ATP2C2: variants seen among roughly 807,000 people sequenced by gnomAD.
The protein encoded by ATP2C2 is calcium-transporting ATPase type 2C member 2.
ATP2C2 carries 171 observed loss-of-function variants against 110.8 expected under a neutral mutation model. The ratio of observed to expected loss-of-function variants is 1.54; its 90% CI spans 1.36 to 1.75. The LOEUF is 1.75. Among genes scored for constraint, ATP2C2 ranks in the 40% most tolerant of loss-of-function variants. The pLI is 0.00. For missense variants in ATP2C2, 1,963 were observed against 1,235.0 expected (o/e 1.59, Z -8.84); for synonymous variants, 804 against 508.4 (o/e 1.58, Z -7.82).
At chr16:84,436,028 C>T (rs544382480) in intron 11 of ATP2C2, among the ~76,000 whole-genome samples, 107 of 152,080 alleles carry the variant, frequency 7.0e-4, no homozygotes, top group Non-Finnish European at 1.3e-3. Context: ...ACGCGGGAGG[C>T]TGAGGCAGGA....
intron 7 of ATP2C2, among the ~76,000 whole-genome samples, chr16:84,418,607 C>T (rs1345323381): frequency 6.6e-6 from 1 of 152,232 alleles, no homozygotes. Flanking sequence ...ACTACACGGA[C>T]ACAGCAGCCC....
chr16:84,429,975 T>C (rs1272563436), intron 11 of ATP2C2, among the ~76,000 whole-genome samples: 2 of 152,180 alleles, frequency 1.3e-5, no homozygotes, highest in Non-Finnish European at 2.9e-5. Context: ...ATATCTTGCC[T>C]CTAGTCTCTG....
intron 26 of ATP2C2, among the ~76,000 whole-genome samples, chr16:84,463,177 G>C (rs1911562425): frequency 6.7e-6 from 1 of 150,122 alleles, no homozygotes; most frequent in African/African-American, 2.5e-5. Flanking sequence ...CAGGAGCAGA[G>C]GGAGACGCTG....
rs754579976 is a variant in ATP2C2 at position 84,422,455 on chromosome 16, C to G, written c.690C>G (p.Asp230Glu). Reference sequence around the variant, plus strand: ...AAGCCGAGCCATGTAGTAAAACAGACAGCCCCTTGACAGGCGGTGGGGACC... The same window carrying G: ...AAGCCGAGCCATGTAGTAAAACAGAGAGCCCCTTGACAGGCGGTGGGGACC... ...TGEAEPCSKT[D>E]SPLTGGGDLT... is the part of the protein sequence containing the mutation. Residue 230 changes from aspartate (D) to glutamate (E), a missense_variant, in exon 8 of 27, where the codon GAC becomes GAG. Physicochemically the swap from Asp to Glu is conservative, Grantham distance 45 (BLOSUM62 2). Transcript: ENST00000262429. The G allele has an allele frequency of 1.9e-5, 30 of 1,614,030 alleles. No homozygotes were observed. Among genetic ancestry groups the G allele is most frequent in the African/African-American group, 5.3e-5 (4 of 74,902 alleles).
In ATP2C2 at chr16:84,448,553, C is replaced by T. The variant is rs770069464; in HGVS notation, c.1524C>T (p.Phe508=). The change falls in exon 17 of 27, where the codon TTC becomes TTT. Residue 508 remains phenylalanine, a synonymous_variant. Transcript: ENST00000262429. The part of the protein sequence containing the change: ...LKTEDQEDIY[F]MKGALEEVIR... ...CTAAGGATCAGGAAGACATTTACTT[C>T]ATGAAAGGGGCCTTGGAAGAGGTGA... 5.6e-6 allele frequency: 9 copies of T among 1,612,338 alleles called. No homozygotes were observed. In the Admixed American group the frequency reaches 1.3e-4, roughly 24 times the overall value.
chr16:84,456,312 T>A, intron 21 of ATP2C2, among the ~76,000 whole-genome samples: 1 of 151,790 alleles, frequency 6.6e-6, no homozygotes, highest in Non-Finnish European at 1.5e-5. Context: ...CAGAGCCTGT[T>A]ATTGGTCTAT....
In ATP2C2 at chr16:84,463,747, C is replaced by G. The variant is rs142106669; in HGVS notation, c.*15C>G. ...AAGATGTGTAGTGGACCGCACTCCG[C>G]GGCACCTTCCCTAATCATCTCGATC... On this transcript the variant is annotated 3_prime_UTR_variant, in exon 27 of 27. Transcript: ENST00000262429. The G allele has an allele frequency of 4.5e-4, 717 of 1,586,860 alleles. No individual in the cohort carries two copies. Among genetic ancestry groups the G allele is most frequent in the Non-Finnish European group, 5.8e-4 (670 of 1,155,908 alleles).
Position 84,420,231 on chromosome 16 carries a change from T to G in ATP2C2, c.625-2159T>G, listed in dbSNP as rs115993939. ...GTTTATCGTCATTTCCCCCACCTCC[T>G]CCATGGAGTATCATCTTCCTGAGGC... On this transcript the variant is annotated intron_variant, in intron 7 of 26. Coordinates refer to ENST00000262429, the MANE Select transcript of ATP2C2 (RefSeq NM_014861.4). Among the ~76,000 whole-genome samples the G allele has an allele frequency of 3.0e-3, 461 of 152,178 alleles. 6 individuals are homozygous for G. Among genetic ancestry groups the G allele is most frequent in the African/African-American group, 0.011 (443 of 41,534 alleles).
intron 16 of ATP2C2, among the ~76,000 whole-genome samples, chr16:84,447,420 C>T (rs1448114871): frequency 2.6e-5 from 4 of 151,444 alleles, no homozygotes; most frequent in Non-Finnish European, 4.4e-5. Context: ...TTCCACCCTT[C>T]TTCCCTCCCT....
intron 3 of ATP2C2, among the ~76,000 whole-genome samples, 154 bp from the exon 4 acceptor site, chr16:84,408,251 G>C (rs1275977943): frequency 6.6e-6 from 1 of 151,546 alleles, no homozygotes; most frequent in Non-Finnish European, 1.5e-5. Flanking sequence ...ACCACTGCAT[G>C]GGGGTGGTCT....
chr16:84,461,003 T>C, intron 24 of ATP2C2: 1 of 713,512 alleles, frequency 1.4e-6, no homozygotes, highest in Non-Finnish European at 2.2e-6. Context: ...GGTCGCCAGG[T>C]GTGTGCCTGG....
intron 11 of ATP2C2, among the ~76,000 whole-genome samples, chr16:84,432,822 A>G (rs1908400495): frequency 6.6e-6 from 1 of 151,998 alleles, no homozygotes; most frequent in African/African-American, 2.4e-5. Flanking sequence ...CGCCTGGCTG[A>G]GACTCATATT....
rs764097311 is a variant in ATP2C2, at chr16:84,459,315, C to T, written c.2262C>T (p.Asn754=). ...LSLITLSTVF[N]LPSPLNAMQI... ...TCATCACTCTGTCCACCGTGTTCAA[C>T]CTGCCCAGCCCCCTCAACGCCATGC... is the stretch of plus-strand genomic sequence containing the variant. The change falls in exon 23 of 27, where the codon AAC becomes AAT. Residue 754 remains asparagine, a synonymous_variant. Coordinates refer to ENST00000262429, the MANE Select transcript of ATP2C2 (RefSeq NM_014861.4). 2 of 1,614,104 alleles carry T rather than the reference C, an allele frequency of 1.2e-6. No homozygotes were observed. The highest frequency in any genetic ancestry group is 1.6e-4 in the Middle Eastern group (1 of 6,084).
At chr16:84,392,496 C>T (rs1307666555) in intron 1 of ATP2C2, among the ~76,000 whole-genome samples, 1 of 152,084 alleles carries the variant, frequency 6.6e-6, no homozygotes, top group Admixed American at 6.6e-5. Context: ...GAATTCTGCT[C>T]TTGTTGCCCA....
intron 6 of ATP2C2, among the ~76,000 whole-genome samples, chr16:84,414,208 G>A (rs1275471006): frequency 6.6e-6 from 1 of 152,158 alleles, no homozygotes; most frequent in Non-Finnish European, 1.5e-5. Context: ...GGTGCTCTTG[G>A]CTACAAGGAA....
chr16:84,404,987 C>G (rs1457443586), intron 2 of ATP2C2, 141 bp from the exon 3 acceptor site: 2 of 781,070 alleles, frequency 2.6e-6, no homozygotes, highest in Non-Finnish European at 4.6e-6. Flanking sequence ...GGTCTTTGAA[C>G]AAGTCCCAGC....
chr16:84,374,084 A>T (rs1370567754), intron 1 of ATP2C2, among the ~76,000 whole-genome samples: 1 of 152,142 alleles, frequency 6.6e-6, no homozygotes, highest in East Asian at 1.9e-4. Flanking sequence ...TTGAAAGAAT[A>T]TTTCTTCATT....
At chr16:84,401,220 A>ATC (rs1375956108) in intron 2 of ATP2C2, among the ~76,000 whole-genome samples, 1 of 70,196 alleles carries the variant, frequency 1.4e-5, no homozygotes, top group African/African-American at 4.6e-5. Flanking sequence ...GAAGTCTTTA[A>ATC]TCTTTTTTTT....
In ATP2C2 at chr16:84,448,059, A is replaced by T. The variant is rs186339076; in HGVS notation, c.1504-474A>T. Among the ~76,000 whole-genome samples, 568 of 152,192 alleles carry T rather than the reference A, an allele frequency of 3.7e-3. 2 individuals are homozygous for T. Among genetic ancestry groups the T allele is most frequent in the Middle Eastern group, 0.01 (3 of 294 alleles). ...CTACATGTTTGTCATGACAGAGCTTAAGAAAAACACAGGAAAAATGATCAG... is the reference window on the plus strand; with the variant it reads ...CTACATGTTTGTCATGACAGAGCTTTAGAAAAACACAGGAAAAATGATCAG... On this transcript the variant is annotated intron_variant, in intron 16 of 26. Transcript: ENST00000262429.
Sources: allele counts gnomAD v4.1 joint callset (sites outside exome capture counted in the v4.1 genomes callset), GRCh38; gene constraint gnomAD v4.1.1; transcripts MANE v1.5; gene names NCBI Gene and HGNC (gene_info 2026-07-23, HGNC 2026-07-21).